Variants in SLC16A12 observed in about 807,000 individuals in gnomAD.
SLC16A12 encodes the protein solute carrier family 16 member 12.
In SLC16A12, 17 loss-of-function variants were observed where a neutral mutation model predicts 42.4. That is an observed-to-expected ratio of 0.40 (90% confidence interval 0.27 to 0.60). The LOEUF is 0.60. SLC16A12 is among the 20% of genes least tolerant of loss of function. SLC16A12 has a pLI of 0.42. For missense variants in SLC16A12, 544 were observed against 623.0 expected (o/e 0.87, Z 1.35); for synonymous variants, 224 against 229.4 (o/e 0.98, Z 0.21).
At chr10:89,464,524 C>T (rs891931307) in intron 2 of SLC16A12, among the ~76,000 whole-genome samples, 8 of 151,940 alleles carry the variant, frequency 5.3e-5, no homozygotes, top group South Asian at 2.1e-4. Context: ...GATCACTGGA[C>T]GAAATATTAA....
At chr10:89,481,896 T>A (rs984107856) in intron 2 of SLC16A12, among the ~76,000 whole-genome samples, 4 of 152,054 alleles carry the variant, frequency 2.6e-5, no homozygotes, top group Non-Finnish European at 5.9e-5. Context: ...CATGAGGAAA[T>A]CATTCTCTTT....
At chr10:89,521,142 T>A (rs1843346039) in intron 2 of SLC16A12, among the ~76,000 whole-genome samples, 1 of 152,200 alleles carries the variant, frequency 6.6e-6, no homozygotes, top group African/African-American at 2.4e-5. Context: ...AGGACTTGAT[T>A]GCCAGCCAAG....
intron 7 of SLC16A12, among the ~76,000 whole-genome samples, chr10:89,435,645 C>T (rs1841768591): frequency 6.6e-6 from 1 of 152,170 alleles, no homozygotes; most frequent in Non-Finnish European, 1.5e-5. Context: ...CTGTCTGGCA[C>T]CCAAAACACT....
In SLC16A12 at chr10:89,431,017, A is replaced by G. The variant is rs1841686081; in HGVS notation, c.*2047T>C. 1 of 286,786 alleles carries G rather than the reference A, an allele frequency of 3.5e-6. No individual in the cohort carries two copies. The highest frequency in any genetic ancestry group is 2.4e-5 in the African/African-American group (1 of 41,664). The allele number at this position is 286,786 out of a possible 1,614,324, so 17.8% of individuals were successfully genotyped here. Reference sequence around the variant, plus strand: ...GATACCTTCCAATTTTTTTTTTTTGAGATGGAGTCTTGCTCTGTCGCCCAG... The same window carrying G: ...GATACCTTCCAATTTTTTTTTTTTGGGATGGAGTCTTGCTCTGTCGCCCAG... On this transcript the variant is annotated 3_prime_UTR_variant, in exon 8 of 8. Transcript: ENST00000371790.
At chr10:89,491,647 T>C (rs1468458229) in intron 2 of SLC16A12, among the ~76,000 whole-genome samples, 1 of 152,124 alleles carries the variant, frequency 6.6e-6, no homozygotes, top group African/African-American at 2.4e-5. Context: ...GAGGTAAGAA[T>C]TGACATTAAA....
At chr10:89,445,500 G>A (rs1458211156) in intron 3 of SLC16A12, among the ~76,000 whole-genome samples, 2 of 152,230 alleles carry the variant, frequency 1.3e-5, no homozygotes, top group Non-Finnish European at 2.9e-5. Flanking sequence ...CAACAGACCT[G>A]CAGCTGAGGG....
At chr10:89,544,274 G>T (rs1422317530) in intron 2 of SLC16A12, among the ~76,000 whole-genome samples, 1 of 152,202 alleles carries the variant, frequency 6.6e-6, no homozygotes, top group Non-Finnish European at 1.5e-5. Context: ...ATTTGGAGTA[G>T]AAGTATATGT....
chr10:89,542,378 T>C (rs1190120710), intron 2 of SLC16A12, among the ~76,000 whole-genome samples: 1 of 150,682 alleles, frequency 6.6e-6, no homozygotes, highest in Non-Finnish European at 1.5e-5. Context: ...TCTCGACTCA[T>C]GGCAACTGCC....
At chr10:89,440,073 C>CAAAAAAAAAAA (rs10674171) in intron 5 of SLC16A12, among the ~76,000 whole-genome samples, 7 of 31,450 alleles carry the variant, frequency 2.2e-4, no homozygotes, top group African/African-American at 7.2e-4. Flanking sequence ...GACCCTGTCT[C>CAAAAAAAAAAA]AAAAAAAAAA....
intron 2 of SLC16A12, among the ~76,000 whole-genome samples, chr10:89,529,695 G>A (rs1480373910): frequency 6.6e-6 from 1 of 151,910 alleles, no homozygotes; most frequent in African/African-American, 2.4e-5. Flanking sequence ...TTACAGGCAC[G>A]TGCCACCACG....
chr10:89,553,538 A>G (rs1843784187), intron 2 of SLC16A12, among the ~76,000 whole-genome samples: 4 of 152,198 alleles, frequency 2.6e-5, no homozygotes, highest in Admixed American at 2.6e-4. Context: ...CTACTTGATG[A>G]CTCAATGAAA....
chr10:89,527,813 AAG>A (rs551677855), intron 2 of SLC16A12, among the ~76,000 whole-genome samples: 54 of 142,786 alleles, frequency 3.8e-4, no homozygotes, highest in African/African-American at 1.1e-3. Flanking sequence ...TAAAAAAAAA[AAG>A]AGAGAGAGAG....
intron 2 of SLC16A12, among the ~76,000 whole-genome samples, chr10:89,545,435 G>A (rs1199047262): frequency 6.6e-6 from 1 of 152,142 alleles, no homozygotes; most frequent in Non-Finnish European, 1.5e-5. Context: ...TAGACAAGCA[G>A]AGAGTCAAAT....
chr10:89,506,070 C>T (rs572255833), intron 2 of SLC16A12, among the ~76,000 whole-genome samples: 1 of 152,302 alleles, frequency 6.6e-6, no homozygotes, highest in African/African-American at 2.4e-5. Context: ...GGCAGCGGCC[C>T]CACTCAGGGA....
Position 89,533,041 on chromosome 10 carries a change from C to G in SLC16A12, c.-47+1460G>C, listed in dbSNP as rs117576228. On this transcript the variant is annotated intron_variant, in intron 2 of 7. Coordinates refer to ENST00000371790, the MANE Select transcript of SLC16A12 (RefSeq NM_213606.4). ...TAAAGGAAATGTAATTTCATTGACT[C>G]CAAATGAACATATATTAAATAACCA... Among the ~76,000 whole-genome samples, 53 of 152,294 alleles carry G rather than the reference C, an allele frequency of 3.5e-4. No homozygotes were observed. In the East Asian group the frequency reaches 0.01, roughly 29 times the overall value.
intron 2 of SLC16A12, among the ~76,000 whole-genome samples, chr10:89,520,720 CAAAAAAAAA>C (rs10712043): frequency 4.0e-5 from 4 of 100,128 alleles, no homozygotes; most frequent in African/African-American, 1.6e-4. Flanking sequence ...TCACATAGGC[CAAAAAAAAA>C]AAAAAAAAAA....
rs1554884215 is a variant in SLC16A12 at position 89,436,868 on chromosome 10, A to AAG, written c.1029-550_1029-549insCT. 6.1e-3 allele frequency among the ~76,000 whole-genome samples: 739 copies of AAG among 120,442 alleles called. 15 individuals are homozygous for AAG. Among genetic ancestry groups the AAG allele is most frequent in the African/African-American group, 0.022 (681 of 30,674 alleles). The allele number at this position is 120,442 out of a possible 152,430, so 79.0% of individuals were successfully genotyped here. On this transcript the variant is annotated intron_variant, in intron 6 of 7. Coordinates refer to ENST00000371790, the MANE Select transcript of SLC16A12 (RefSeq NM_213606.4). ...AAGAAAGAAAAGAAAGAAATAAAGA[A>AAG]AAAGAAAGAAAGAAAGAAAGAAAGA...
chr10:89,478,422 A>G (rs749029982), intron 2 of SLC16A12, among the ~76,000 whole-genome samples: 1 of 152,240 alleles, frequency 6.6e-6, no homozygotes, highest in Non-Finnish European at 1.5e-5. Context: ...GCAGGGGGAA[A>G]CAAAAACTGT....
chr10:89,462,721 A>C, intron 2 of SLC16A12, 97 bp from the exon 3 acceptor site: 1 of 1,322,276 alleles, frequency 7.6e-7, no homozygotes, highest in Non-Finnish European at 1.0e-6. Context: ...TTTCCTATTA[A>C]ATATGAGTAT....
Sources: allele counts gnomAD v4.1 joint callset (sites outside exome capture counted in the v4.1 genomes callset), GRCh38; gene constraint gnomAD v4.1.1; transcripts MANE v1.5; gene names NCBI Gene and HGNC (gene_info 2026-07-23, HGNC 2026-07-21).